SHTN1: variants seen among roughly 807,000 people sequenced by gnomAD.
SHTN1 encodes shootin 1, also known as shootin-1.
Under a neutral mutation model 83.1 loss-of-function variants are expected in SHTN1, and 42 were observed. The ratio of observed to expected loss-of-function variants is 0.51; its 90% CI spans 0.39 to 0.65. SHTN1 has a LOEUF of 0.65. Ranked by LOEUF, SHTN1 falls within the 30% of genes least tolerant of loss-of-function variation. The probability of loss-of-function intolerance (pLI) is 0.00; values close to 1 mark genes in which losing one functional copy is unlikely to be tolerated. For synonymous variants in SHTN1, 224 were observed against 247.7 expected, an observed-to-expected ratio of 0.90 and a Z score of 0.90; for missense variants, 622 against 737.8, an observed-to-expected ratio of 0.84 and a Z score of 1.82.
In SHTN1 at chr10:116,909,543, C is replaced by A. The variant is rs543137989; in HGVS notation, c.1359+2247G>T. Among the ~76,000 whole-genome samples the A allele has an allele frequency of 7.3e-4, 111 of 152,256 alleles. 2 individuals carry two copies. In the South Asian group the frequency reaches 0.022, roughly 30 times the overall value. On this transcript the variant is annotated intron_variant, in intron 14 of 16. Transcript: ENST00000355371. Reference sequence around the variant, plus strand: ...GACTCAAAAGGTTTCATTTCCTAAACCTCAAAACCTTTTGTGACTATGAGA... The same window carrying A: ...GACTCAAAAGGTTTCATTTCCTAAAACTCAAAACCTTTTGTGACTATGAGA...
At chr10:116,888,923 G>T (rs1708116561) in intron 16 of SHTN1, among the ~76,000 whole-genome samples, 1 of 152,264 alleles carries the variant, frequency 6.6e-6, no homozygotes, top group South Asian at 2.1e-4. Flanking sequence ...GCCCAGCTAA[G>T]GTTCCAGGGA....
At chr10:116,947,109 C>T (rs1849621813) in intron 7 of SHTN1, among the ~76,000 whole-genome samples, 1 of 152,086 alleles carries the variant, frequency 6.6e-6, no homozygotes, top group African/African-American at 2.4e-5. Context: ...GAGCTTTGTA[C>T]CAAGGAGTTA....
At chr10:116,955,337 A>C (rs564144577) in intron 4 of SHTN1, among the ~76,000 whole-genome samples, 1 of 152,294 alleles carries the variant, frequency 6.6e-6, no homozygotes, top group Admixed American at 6.5e-5. Context: ...CTAAAAAATA[A>C]ACAGTTTTCC....
At chr10:116,975,510 G>GTT (rs1850770373) in intron 2 of SHTN1, among the ~76,000 whole-genome samples, 1 of 152,130 alleles carries the variant, frequency 6.6e-6, no homozygotes, top group African/African-American at 2.4e-5. Flanking sequence ...CATTAGAGTG[G>GTT]TTTTACTCAA....
rs1418290590 is a variant in SHTN1 at position 117,065,726 on chromosome 10, AT to A, written c.-188-17217del. On this transcript the variant is annotated intron_variant, in intron 1 of 17. Coordinates refer to the SHTN1 transcript ENST00000392901. Reference sequence around the variant, plus strand: ...AAGCGAGAGAGAGAGAGAGAGAGAGATGAAAGAAAGAAAGAAAGAAAGAAAG... The same window carrying A: ...AAGCGAGAGAGAGAGAGAGAGAGAGAGAAAGAAAGAAAGAAAGAAAGAAAG... 9.3e-4 allele frequency among the ~76,000 whole-genome samples: 8 copies of A among 8,574 alleles called. 1 individual carries two copies. Among genetic ancestry groups the A allele is most frequent in the East Asian group, 4.0e-3 (2 of 496 alleles). 5.6% of individuals were successfully genotyped at this position (8,574 alleles called of 152,430 possible).
chr10:116,998,078 C>A (rs985620744), intron 1 of SHTN1, among the ~76,000 whole-genome samples: 4 of 152,022 alleles, frequency 2.6e-5, no homozygotes, highest in South Asian at 2.1e-4. Context: ...GGGGACAGAG[C>A]GAGACTCTGT....
At chr10:117,092,490 C>T (rs975390181) in intron 1 of SHTN1, among the ~76,000 whole-genome samples, 2 of 152,104 alleles carry the variant, frequency 1.3e-5, no homozygotes, top group African/African-American at 2.4e-5. Context: ...AATGCAGACA[C>T]GGTATTTAAA....
chr10:117,052,162 TA>T (rs1158226708), intron 1 of SHTN1, among the ~76,000 whole-genome samples: 1 of 151,342 alleles, frequency 6.6e-6, no homozygotes, highest in Admixed American at 6.6e-5. Flanking sequence ...AGAAATGTTT[TA>T]AAATTCCTTT....
At chr10:117,066,328 A>G (rs1853001535) in intron 1 of SHTN1, among the ~76,000 whole-genome samples, 1 of 152,172 alleles carries the variant, frequency 6.6e-6, no homozygotes, top group South Asian at 2.1e-4. Context: ...TAGAGTCCCT[A>G]TTATACAGCG....
chr10:116,900,513 AG>A, intron 16 of SHTN1: 1 of 1,506,350 alleles, frequency 6.6e-7, no homozygotes, highest in Non-Finnish European at 8.9e-7. Context: ...AGGAGGAAGG[AG>A]TTGCAGTATT....
chr10:117,072,306 G>A (rs972590350), intron 1 of SHTN1, among the ~76,000 whole-genome samples: 3 of 152,134 alleles, frequency 2.0e-5, no homozygotes, highest in Middle Eastern at 3.2e-3. Flanking sequence ...TTCCATCATA[G>A]CAGACGGGAA....
At chr10:117,029,541 A>T (rs1034541861) in intron 2 of SHTN1, among the ~76,000 whole-genome samples, 1 of 152,082 alleles carries the variant, frequency 6.6e-6, no homozygotes, top group African/African-American at 2.4e-5. Flanking sequence ...TGAATGTTGG[A>T]GGTGGGGCCT....
chr10:117,085,812 T>A (rs920905050), intron 1 of SHTN1, among the ~76,000 whole-genome samples: 6 of 152,140 alleles, frequency 3.9e-5, no homozygotes, highest in African/African-American at 1.2e-4. Flanking sequence ...GTCAAGTGCA[T>A]ACACATTAAA....
chr10:117,072,425 G>C (rs1412931963), intron 1 of SHTN1, among the ~76,000 whole-genome samples: 2 of 152,126 alleles, frequency 1.3e-5, no homozygotes, highest in Non-Finnish European at 2.9e-5. Context: ...AAACCCGAGA[G>C]GACCCACACA....
At chr10:116,998,111 G>C (rs1315077115) in intron 1 of SHTN1, among the ~76,000 whole-genome samples, 1 of 152,064 alleles carries the variant, frequency 6.6e-6, no homozygotes, top group East Asian at 1.9e-4. Context: ...GAATCAGGGA[G>C]TTAAGATACA....
At chr10:116,953,965 T>C in intron 5 of SHTN1, 77 bp downstream of exon 5, 2 of 1,200,378 alleles carry the variant, frequency 1.7e-6, no homozygotes, top group Non-Finnish European at 2.3e-6. Flanking sequence ...CACATGATTC[T>C]GATGTGCAGT....
chr10:116,997,295 A>C (rs915942058), intron 1 of SHTN1, among the ~76,000 whole-genome samples: 1 of 152,214 alleles, frequency 6.6e-6, no homozygotes, highest in Non-Finnish European at 1.5e-5. Context: ...TCTTTGTTGA[A>C]GACAGTATGT....
At chr10:117,057,499 A>G (rs147738391) in intron 1 of SHTN1, among the ~76,000 whole-genome samples, 1 of 152,296 alleles carries the variant, frequency 6.6e-6, no homozygotes, top group East Asian at 1.9e-4. Flanking sequence ...CATTGCTACA[A>G]GGCCCTCCCA....
intron 1 of SHTN1, among the ~76,000 whole-genome samples, chr10:117,105,797 T>C (rs1232159730): frequency 6.6e-6 from 1 of 152,112 alleles, no homozygotes; most frequent in Non-Finnish European, 1.5e-5. Flanking sequence ...GTGGGAGGAT[T>C]GCTTGAGCAC....
Sources: allele counts gnomAD v4.1 joint callset (sites outside exome capture counted in the v4.1 genomes callset), GRCh38; gene constraint gnomAD v4.1.1; transcripts MANE v1.5; gene names NCBI Gene and HGNC (gene_info 2026-07-23, HGNC 2026-07-21).